GNS: variants seen among roughly 807,000 people sequenced by gnomAD.
GNS encodes the protein N-acetylglucosamine-6-sulfatase.
A neutral mutation model predicts 69.7 loss-of-function variants in GNS; 40 were observed. The ratio of observed to expected loss-of-function variants is 0.57; its 90% CI spans 0.45 to 0.75. The LOEUF (loss-of-function observed/expected upper bound fraction) is 0.75. Among genes scored for constraint, GNS ranks in the 30% least tolerant of loss-of-function variants. The pLI is 0.00. For synonymous variants in GNS, 243 were observed against 251.6 expected, an observed-to-expected ratio of 0.97 and a Z score of 0.32; for missense variants, 565 against 685.5, an observed-to-expected ratio of 0.82 and a Z score of 1.96.
intron 13 of GNS, among the ~76,000 whole-genome samples, chr12:64,717,514 G>A (rs935230811): frequency 3.2e-5 from 4 of 126,934 alleles, no homozygotes; most frequent in African/African-American, 1.1e-4. Flanking sequence ...ACCACACCTG[G>A]CTAATTTTTT....
In GNS at chr12:64,750,884, C is replaced by T. The variant is rs549395181; in HGVS notation, c.252+1814G>A. ...CTACGTCACTGCACTCCAACATGGGCGGTAGAGTGAGACCCTGTCTCAAAA... is the reference window on the plus strand; with the variant it reads ...CTACGTCACTGCACTCCAACATGGGTGGTAGAGTGAGACCCTGTCTCAAAA... On this transcript the variant is annotated intron_variant, in intron 2 of 13. Coordinates refer to ENST00000258145, the MANE Select transcript of GNS (RefSeq NM_002076.4). Among the ~76,000 whole-genome samples the T allele has an allele frequency of 3.0e-4, 45 of 151,798 alleles. 1 individual carries two copies. In the South Asian group the frequency reaches 6.0e-3, roughly 20 times the overall value.
intron 7 of GNS, among the ~76,000 whole-genome samples, chr12:64,739,812 CTT>C (rs888867373): frequency 6.6e-6 from 1 of 152,146 alleles, no homozygotes; most frequent in Non-Finnish European, 1.5e-5. Flanking sequence ...GTTAGCTTTA[CTT>C]TTTATTGGCA....
At chr12:64,738,551 G>A (rs1344835318) in intron 8 of GNS, among the ~76,000 whole-genome samples, 3 of 151,968 alleles carry the variant, frequency 2.0e-5, no homozygotes, top group Non-Finnish European at 2.9e-5. Context: ...TGTGGCTCAC[G>A]TCTGTACTCC....
chr12:64,737,135 T>C (rs1322585679), intron 8 of GNS, 28 bp from the exon 9 acceptor site: 2 of 1,140,514 alleles, frequency 1.8e-6, no homozygotes, highest in Admixed American at 1.7e-5. Context: ...AATGTAAAGA[T>C]GGAGCCAAGA....
At chr12:64,741,070 AGTGGCGGGCGC>A (rs1869717470) in intron 6 of GNS, among the ~76,000 whole-genome samples, 1 of 137,414 alleles carries the variant, frequency 7.3e-6, no homozygotes, top group Admixed American at 7.3e-5. Flanking sequence ...AATAGGGCGT[AGTGGCGGGCGC>A]CTGTAGTCCC....
chr12:64,749,477 C>T (rs1870007702), intron 2 of GNS, among the ~76,000 whole-genome samples: 1 of 152,018 alleles, frequency 6.6e-6, no homozygotes, highest in African/African-American at 2.4e-5. Flanking sequence ...TGGTCTCGAT[C>T]TCTTGACCTC....
At chr12:64,745,371 C>T (rs1027591236) in intron 4 of GNS, among the ~76,000 whole-genome samples, 1 of 151,902 alleles carries the variant, frequency 6.6e-6, no homozygotes, top group African/African-American at 2.4e-5. Context: ...AGGCACACGC[C>T]ACCACACCCA....
chr12:64,729,398 T>C (rs936563048), intron 9 of GNS, among the ~76,000 whole-genome samples: 1 of 152,248 alleles, frequency 6.6e-6, no homozygotes, highest in East Asian at 1.9e-4. Context: ...AATTATTTTA[T>C]ACAAAGTGTC....
chr12:64,758,200 G>T (rs564615677), intron 1 of GNS, among the ~76,000 whole-genome samples: 1 of 151,318 alleles, frequency 6.6e-6, no homozygotes, highest in East Asian at 1.9e-4. Flanking sequence ...AGTCTCTAAT[G>T]CAACAGTCAG....
At chr12:64,756,575 C>G in intron 1 of GNS, 1 of 606,158 alleles carries the variant, frequency 1.6e-6, no homozygotes, top group Non-Finnish European at 2.9e-6. Context: ...ACTTAACCAC[C>G]TTCCAGTTTT....
chr12:64,747,964 T>C (rs775863617), intron 2 of GNS, 46 bp from the exon 3 acceptor site: 31 of 995,494 alleles, frequency 3.1e-5, no homozygotes, highest in Non-Finnish European at 3.6e-5. Context: ...ACAAGAAAGA[T>C]GGACTTCTCA....
At chr12:64,722,076 G>A (rs970902705) in intron 11 of GNS, among the ~76,000 whole-genome samples, 2 of 151,518 alleles carry the variant, frequency 1.3e-5, no homozygotes, top group Admixed American at 6.6e-5. Context: ...GCAGGCTAGA[G>A]TGCAGTCGTG....
chr12:64,737,556 T>C (rs1322635853), intron 8 of GNS, among the ~76,000 whole-genome samples: 5 of 152,116 alleles, frequency 3.3e-5, no homozygotes, highest in Non-Finnish European at 7.4e-5. Context: ...AGCTAATAAA[T>C]ACAAAAGAAA....
rs1868863854 is a variant in GNS at position 64,716,552 on chromosome 12, G to A, written c.*189C>T. 5 of 649,682 alleles carry A rather than the reference G, an allele frequency of 7.7e-6. No homozygotes were observed. The highest frequency in any genetic ancestry group is 1.1e-5 in the Non-Finnish European group (4 of 353,930). 40.2% of individuals were successfully genotyped at this position (649,682 alleles called of 1,614,324 possible). On this transcript the variant is annotated 3_prime_UTR_variant, in exon 14 of 14. Transcript: ENST00000258145. Reference sequence around the variant, plus strand: ...CAGAGACAGCCACTCCTGACACATGGGCAGAGTTCACAGTTTAACACATTG... The same window carrying A: ...CAGAGACAGCCACTCCTGACACATGAGCAGAGTTCACAGTTTAACACATTG...
At chr12:64,742,871 G>A (rs186128474) in intron 6 of GNS, among the ~76,000 whole-genome samples, 1 of 152,180 alleles carries the variant, frequency 6.6e-6, no homozygotes, top group Non-Finnish European at 1.5e-5. Flanking sequence ...AGGTTACCAG[G>A]AGAGCCTGAG....
At chr12:64,756,416 A>C (rs1461213498) in intron 1 of GNS, among the ~76,000 whole-genome samples, 1 of 152,148 alleles carries the variant, frequency 6.6e-6, no homozygotes, top group East Asian at 1.9e-4. Flanking sequence ...AGACTCTCTG[A>C]CCTATGGTGT....
chr12:64,736,715 T>C (rs1453298694), intron 9 of GNS, among the ~76,000 whole-genome samples: 3 of 152,192 alleles, frequency 2.0e-5, no homozygotes, highest in South Asian at 2.1e-4. Flanking sequence ...TTGATGCACA[T>C]CCTCTGTTGA....
intron 2 of GNS, among the ~76,000 whole-genome samples, chr12:64,749,687 T>C (rs758704349): frequency 1.8e-4 from 27 of 152,210 alleles, no homozygotes; most frequent in Non-Finnish European, 3.4e-4. Flanking sequence ...TTACATAAGA[T>C]TTAAGTTAAG....
chr12:64,754,895 A>AC (rs1237151019), intron 1 of GNS, among the ~76,000 whole-genome samples: 1 of 150,842 alleles, frequency 6.6e-6, no homozygotes, highest in Non-Finnish European at 1.5e-5. Context: ...GTCTCCAAAA[A>AC]AAAAAAAAAG....
Sources: gnomAD v4.1 joint callset for allele counts (sites outside exome capture counted in the v4.1 genomes callset) on GRCh38, gnomAD v4.1.1 for gene constraint, MANE v1.5 for transcripts, NCBI Gene and HGNC (gene_info 2026-07-23, HGNC 2026-07-21) for gene names.